Variants in HIVEP3 observed in about 807,000 individuals in gnomAD.
The protein encoded by HIVEP3 is HIVEP zinc finger 3.
Under a neutral mutation model 152.8 loss-of-function variants are expected in HIVEP3, and 49 were observed. That is an observed-to-expected ratio of 0.32 (90% confidence interval 0.26 to 0.41). The LOEUF is 0.41. HIVEP3 is among the 10% of genes least tolerant of loss of function. HIVEP3 has a pLI of 1.00. For missense variants in HIVEP3, 2,790 were observed against 3,103.3 expected (o/e 0.90, Z 2.40); for synonymous variants, 1,269 against 1,289.0 (o/e 0.98, Z 0.33).
At chr1:41,816,610 C>T (rs1651282147) in intron 1 of HIVEP3, among the ~76,000 whole-genome samples, 1 of 152,158 alleles carries the variant, frequency 6.6e-6, no homozygotes, top group Admixed American at 6.5e-5. Context: ...ACCCAGGAGG[C>T]AGGAGTTGCA....
intron 1 of HIVEP3, among the ~76,000 whole-genome samples, chr1:41,768,972 C>T (rs1648181607): frequency 1.3e-5 from 2 of 152,230 alleles, no homozygotes; most frequent in Non-Finnish European, 2.9e-5. Flanking sequence ...AAAAGAGTGG[C>T]CTTGTGATAT....
chr1:41,754,408 T>C (rs187036207), intron 1 of HIVEP3, among the ~76,000 whole-genome samples: 20 of 152,328 alleles, frequency 1.3e-4, no homozygotes, highest in African/African-American at 4.6e-4. Context: ...CAATAGTCTT[T>C]GCATGCTAGA....
intron 1 of HIVEP3, among the ~76,000 whole-genome samples, chr1:41,940,948 T>C (rs1645042821): frequency 6.6e-6 from 1 of 151,714 alleles, no homozygotes; most frequent in Non-Finnish European, 1.5e-5. Context: ...AAAGGTCAGG[T>C]AGAAGAGGAA....
intron 1 of HIVEP3, among the ~76,000 whole-genome samples, chr1:41,764,029 A>G (rs1647853748): frequency 6.6e-6 from 1 of 152,042 alleles, no homozygotes; most frequent in African/African-American, 2.4e-5. Flanking sequence ...AGAGCAGACA[A>G]GCACAGGACA....
At chr1:41,611,126 T>G (rs1644891208) in intron 3 of HIVEP3, among the ~76,000 whole-genome samples, 1 of 152,234 alleles carries the variant, frequency 6.6e-6, no homozygotes, top group Non-Finnish European at 1.5e-5. Flanking sequence ...GTTACACTCC[T>G]GTTCTAAACA....
chr1:41,937,714 C>T (rs1474086886), intron 1 of HIVEP3, among the ~76,000 whole-genome samples: 1 of 152,172 alleles, frequency 6.6e-6, no homozygotes, highest in Non-Finnish European at 1.5e-5. Flanking sequence ...TACAGCCAGG[C>T]CTGAGGGTAT....
intron 5 of HIVEP3, among the ~76,000 whole-genome samples, chr1:41,561,621 T>C (rs1282245228): frequency 6.6e-6 from 1 of 151,450 alleles, no homozygotes; most frequent in Admixed American, 6.6e-5. Flanking sequence ...CAAGCAATTC[T>C]CCTGCCTCAG....
intron 3 of HIVEP3, among the ~76,000 whole-genome samples, chr1:41,614,002 C>T (rs1570108004): frequency 6.6e-6 from 1 of 152,236 alleles, no homozygotes; most frequent in Non-Finnish European, 1.5e-5. Context: ...GTGTTTCTCA[C>T]AGCACCCTGA....
chr1:41,570,556 T>G (rs1340256947), intron 5 of HIVEP3, among the ~76,000 whole-genome samples: 2 of 152,234 alleles, frequency 1.3e-5, no homozygotes, highest in Admixed American at 6.5e-5. Context: ...CCCAGCCATG[T>G]GAATGAGTCA....
In HIVEP3 at chr1:41,671,858, T is replaced by C. The variant is rs571656219; in HGVS notation, c.-721+29058A>G. On this transcript the variant is annotated intron_variant, in intron 2 of 8. Coordinates refer to ENST00000372583, the MANE Select transcript of HIVEP3 (RefSeq NM_024503.5). Reference sequence around the variant, plus strand: ...AGTTGGATTTTGAAGAGTGGGTAGGTATTTATCAGTGGAAAAGCCAGGAAA... The same window carrying C: ...AGTTGGATTTTGAAGAGTGGGTAGGCATTTATCAGTGGAAAAGCCAGGAAA... Among the ~76,000 whole-genome samples, 11 of 152,216 alleles carry C rather than the reference T, an allele frequency of 7.2e-5. No homozygotes were observed. The South Asian group carries it at 2.1e-3, about 29-fold the overall frequency.
chr1:41,945,805 A>G (rs1645071638), intron 1 of HIVEP3, among the ~76,000 whole-genome samples: 1 of 152,206 alleles, frequency 6.6e-6, no homozygotes, highest in Admixed American at 6.5e-5. Flanking sequence ...TTCTGGAGAG[A>G]CTAAGGGAGG....
chr1:41,817,289 A>G (rs1323581661), intron 1 of HIVEP3, among the ~76,000 whole-genome samples: 1 of 152,210 alleles, frequency 6.6e-6, no homozygotes, highest in East Asian at 1.9e-4. Flanking sequence ...AAGGTGATGG[A>G]GACATCAGAC....
chr1:41,667,852 C>T (rs2124062771), intron 2 of HIVEP3, among the ~76,000 whole-genome samples: 1 of 152,252 alleles, frequency 6.6e-6, no homozygotes, highest in South Asian at 2.1e-4. Context: ...ATGTATTAGT[C>T]ACTCAATAAA....
chr1:41,650,006 G>C lies in HIVEP3; in HGVS notation c.-720-21059C>G, dbSNP rs556217525. ...CCCGGGGGTGGGAAAGCCTGGCCGG[G>C]AACGGAAACGGAAAAGAAACAAACC... On this transcript the variant is annotated intron_variant, in intron 2 of 8. Transcript: ENST00000372583. Among the ~76,000 whole-genome samples the C allele has an allele frequency of 2.2e-4, 34 of 152,118 alleles. No homozygotes were observed. The South Asian group carries it at 3.1e-3, about 14-fold the overall frequency.
At position 41,987,159 on chromosome 1, in the gene HIVEP3, T is replaced by C. The variant is rs144505693; in HGVS notation, n.119+48648A>G. 2.7e-3 allele frequency among the ~76,000 whole-genome samples: 415 copies of C among 152,302 alleles called. 2 individuals carry two copies. Among genetic ancestry groups the C allele is most frequent in the Middle Eastern group, 0.014 (4 of 294 alleles). On this transcript the variant is annotated intron_variant and non_coding_transcript_variant, in intron 1 of 3. Transcript: ENST00000489103. ...ACAATGTTTCTGCCCTCTTGAAGCT[T>C]ACAAGATAGTGATAAATCTATAAAC...
At chr1:41,942,879 T>C (rs1318633760) in intron 1 of HIVEP3, among the ~76,000 whole-genome samples, 1 of 152,076 alleles carries the variant, frequency 6.6e-6, no homozygotes, top group Non-Finnish European at 1.5e-5. Context: ...GGAAGATATA[T>C]ACATATTTGT....
At chr1:41,686,045 G>T (rs752848368) in intron 2 of HIVEP3, among the ~76,000 whole-genome samples, 17 of 150,778 alleles carry the variant, frequency 1.1e-4, no homozygotes, top group South Asian at 4.2e-4. Context: ...TGGTTTTTTT[G>T]TTTGTTTGTT....
intron 7 of HIVEP3, among the ~76,000 whole-genome samples, chr1:41,515,284 A>G (rs570661621): frequency 2.0e-5 from 3 of 152,364 alleles, no homozygotes; most frequent in East Asian, 1.9e-4. Context: ...CTCAATATGC[A>G]GCAGTCAGAT....
chr1:41,958,403 C>T (rs1054224386), intron 1 of HIVEP3, among the ~76,000 whole-genome samples: 2 of 152,230 alleles, frequency 1.3e-5, no homozygotes, highest in East Asian at 1.9e-4. Flanking sequence ...AACATCTGAA[C>T]ATGAAACAGC....
Sources: allele counts gnomAD v4.1 joint callset (sites outside exome capture counted in the v4.1 genomes callset), GRCh38; gene constraint gnomAD v4.1.1; transcripts MANE v1.5; gene names NCBI Gene and HGNC (gene_info 2026-07-23, HGNC 2026-07-21).